The following PEAK1 variants were observed in gnomAD, a reference collection of about 807,000 sequenced individuals.
PEAK1 encodes inactive tyrosine-protein kinase PEAK1.
A neutral mutation model predicts 124.7 loss-of-function variants in PEAK1; 54 were observed. The ratio of observed to expected loss-of-function variants is 0.43; its 90% CI spans 0.35 to 0.54. The LOEUF (loss-of-function observed/expected upper bound fraction) is 0.54. Among genes scored for constraint, PEAK1 ranks in the 20% least tolerant of loss-of-function variants. PEAK1 has a pLI of 0.01. For synonymous variants in PEAK1, 719 were observed against 760.0 expected, an observed-to-expected ratio of 0.95 and a Z score of 0.89; for missense variants, 2,046 against 2,134.5, an observed-to-expected ratio of 0.96 and a Z score of 0.82.
chr15:77,152,653 G>A (rs538805268), intron 8 of PEAK1, among the ~76,000 whole-genome samples: 2 of 152,258 alleles, frequency 1.3e-5, no homozygotes, highest in African/African-American at 4.8e-5. Flanking sequence ...ATTATTTTGA[G>A]ATTTGTCCCA....
At chr15:77,119,774 C>A (rs2051743419) in intron 9 of PEAK1, among the ~76,000 whole-genome samples, 1 of 152,192 alleles carries the variant, frequency 6.6e-6, no homozygotes, top group African/African-American at 2.4e-5. Context: ...TTGCTCATGA[C>A]AACTGCCCTG....
chr15:77,134,815 C>T (rs1458413507), intron 8 of PEAK1, among the ~76,000 whole-genome samples: 3 of 152,060 alleles, frequency 2.0e-5, no homozygotes, highest in Admixed American at 6.6e-5. Context: ...AGTGCTAACC[C>T]CTGGTACCTA....
chr15:77,116,322 T>C (rs952460756), intron 9 of PEAK1, among the ~76,000 whole-genome samples: 2 of 152,168 alleles, frequency 1.3e-5, no homozygotes, highest in African/African-American at 2.4e-5. Flanking sequence ...GGTCATTCTC[T>C]GCTCTCCCTC....
At chr15:77,402,273 A>G in intron 1 of PEAK1, 1 of 985,094 alleles carries the variant, frequency 1.0e-6, no homozygotes, top group Non-Finnish European at 1.2e-6. Context: ...GAAGGTTTTC[A>G]GTAATAGAAT....
At chr15:77,150,735 T>A (rs2054547906) in intron 8 of PEAK1, among the ~76,000 whole-genome samples, 1 of 147,908 alleles carries the variant, frequency 6.8e-6, no homozygotes, top group Admixed American at 6.9e-5. Context: ...ACTGGTCAAT[T>A]CCCACCTATG....
chr15:77,245,858 A>G (rs1259327923), intron 6 of PEAK1, among the ~76,000 whole-genome samples: 4 of 152,188 alleles, frequency 2.6e-5, no homozygotes, highest in Admixed American at 2.0e-4. Flanking sequence ...ATACTGCTCA[A>G]GTACTGCAGT....
At chr15:77,301,637 A>G (rs1020529846) in intron 2 of PEAK1, among the ~76,000 whole-genome samples, 6 of 152,158 alleles carry the variant, frequency 3.9e-5, no homozygotes. Flanking sequence ...ATATCATATC[A>G]AGGATACACG....
At chr15:77,390,742 G>A (rs2070384351) in intron 1 of PEAK1, among the ~76,000 whole-genome samples, 1 of 152,126 alleles carries the variant, frequency 6.6e-6, no homozygotes, top group Admixed American at 6.6e-5. Flanking sequence ...TTTTAAAGAT[G>A]AGATAACTAA....
chr15:77,255,370 C>T (rs2061079045), intron 5 of PEAK1: 3 of 983,362 alleles, frequency 3.1e-6, no homozygotes, highest in South Asian at 9.4e-5. Flanking sequence ...CAAGCTTCTG[C>T]CGGTACCAAT....
intron 9 of PEAK1, 63 bp downstream of exon 9, chr15:77,132,942 G>T: frequency 1.4e-6 from 2 of 1,468,662 alleles, no homozygotes; most frequent in South Asian, 1.3e-5. Context: ...AAAGCAGAAT[G>T]AATCCATCCC....
intron 8 of PEAK1, among the ~76,000 whole-genome samples, chr15:77,139,335 A>G (rs1160266080): frequency 1.3e-5 from 2 of 152,162 alleles, no homozygotes; most frequent in Non-Finnish European, 2.9e-5. Flanking sequence ...AATAAGTAGG[A>G]GTACACTTTA....
intron 7 of PEAK1, among the ~76,000 whole-genome samples, chr15:77,168,024 G>A (rs2056234040): frequency 6.6e-6 from 1 of 152,090 alleles, no homozygotes; most frequent in South Asian, 2.1e-4. Flanking sequence ...TGCTCAGAAT[G>A]ATGGTTTCCA....
chr15:77,101,866 T>A (rs905253441), exon 7 of PEAK1: 4 of 152,190 alleles, frequency 2.6e-5, no homozygotes, highest in Admixed American at 6.5e-5. Flanking sequence ...CAAGCCCCTT[T>A]CCATCCAATT....
chr15:77,404,288 A>G, intron 1 of PEAK1: 3 of 985,406 alleles, frequency 3.0e-6, no homozygotes, highest in Non-Finnish European at 3.6e-6. Flanking sequence ...CTGCAAAGTG[A>G]TATTTTATTG....
chr15:77,130,149 T>C (rs554610378), intron 9 of PEAK1, among the ~76,000 whole-genome samples: 4 of 152,282 alleles, frequency 2.6e-5, no homozygotes, highest in Non-Finnish European at 4.4e-5. Context: ...AGAGACAAGA[T>C]TCCACGGCAA....
intron 7 of PEAK1, among the ~76,000 whole-genome samples, chr15:77,161,915 G>C (rs1391441324): frequency 7.3e-6 from 1 of 137,368 alleles, no homozygotes; most frequent in African/African-American, 2.7e-5. Flanking sequence ...GCAGTGAGCA[G>C]AGATCATGCC....
At chr15:77,233,923 T>G (rs916976664) in intron 6 of PEAK1, among the ~76,000 whole-genome samples, 12 of 152,206 alleles carry the variant, frequency 7.9e-5, no homozygotes, top group Non-Finnish European at 1.5e-4. Flanking sequence ...TGAAGTGCAG[T>G]GGCATGATCA....
chr15:77,104,950 G>A (rs1380207225), downstream of PEAK1: 3 of 152,240 alleles, frequency 2.0e-5, no homozygotes, highest in African/African-American at 4.8e-5. Context: ...TGGAAGAGGA[G>A]CATCTCAGCT....
chr15:77,341,496 T>A (rs762664551), intron 2 of PEAK1, among the ~76,000 whole-genome samples: 1 of 150,940 alleles, frequency 6.6e-6, no homozygotes, highest in Non-Finnish European at 1.5e-5. Context: ...TAAGACTGCA[T>A]CTCAAAAGAA....
Sources: allele counts gnomAD v4.1 joint callset (sites outside exome capture counted in the v4.1 genomes callset), GRCh38; gene constraint gnomAD v4.1.1; transcripts MANE v1.5; gene names NCBI Gene and HGNC (gene_info 2026-07-23, HGNC 2026-07-21).